ERN1: variants seen among roughly 807,000 people sequenced by gnomAD.
ERN1 encodes serine/threonine-protein kinase/endoribonuclease IRE1.
Under a neutral mutation model 113.1 loss-of-function variants are expected in ERN1, and 39 were observed. That is an observed-to-expected ratio of 0.34 (90% confidence interval 0.27 to 0.45). The LOEUF is 0.45. ERN1 is among the 20% of genes least tolerant of loss of function. The probability of loss-of-function intolerance (pLI) is 1.00; values close to 1 mark genes in which losing one functional copy is unlikely to be tolerated. For missense variants in ERN1, 976 were observed against 1,274.8 expected (o/e 0.77, Z 3.57); for synonymous variants, 507 against 515.9 (o/e 0.98, Z 0.23).
chr17:64,070,237 G>A (rs34761362), intron 6 of ERN1, among the ~76,000 whole-genome samples: 5,099 of 152,266 alleles, frequency 0.033, 112 homozygotes, highest in Non-Finnish European at 0.056. Flanking sequence ...GGCCAACCAA[G>A]CATGTGGAAT....
At chr17:64,090,719 C>T (rs1044455626) in intron 2 of ERN1, among the ~76,000 whole-genome samples, 1 of 152,080 alleles carries the variant, frequency 6.6e-6, no homozygotes, top group Non-Finnish European at 1.5e-5. Context: ...CTAAGAGGAG[C>T]CATCCGAAAT....
rs1272148366 is a variant in ERN1, at chr17:64,052,903, G to A, written c.2130C>T (p.Ser710=). 8 of 1,613,712 alleles carry A rather than the reference G, an allele frequency of 5.0e-6. No homozygotes were observed. Among genetic ancestry groups the A allele is most frequent in the African/African-American group, 2.7e-5 (2 of 74,908 alleles). The change falls in exon 17 of 22, where the codon TCC becomes TCT. Residue 710 remains serine, a synonymous_variant. Transcript: ENST00000433197. ...NAHGKIKAMI[S]DFGLCKKLAV... ...CCAGCTTCTTGCAGAGGCCAAAGTCGGAGATCATGGCCTTGATCTTGCCGT... is the reference window on the plus strand; with the variant it reads ...CCAGCTTCTTGCAGAGGCCAAAGTCAGAGATCATGGCCTTGATCTTGCCGT...
chr17:64,087,022 T>C (rs1913955108), intron 2 of ERN1, among the ~76,000 whole-genome samples: 1 of 152,192 alleles, frequency 6.6e-6, no homozygotes. Flanking sequence ...TTTGCAAAAC[T>C]GGTAGTACTG....
intron 19 of ERN1, among the ~76,000 whole-genome samples, chr17:64,046,398 C>G (rs1347397611): frequency 6.6e-6 from 1 of 152,232 alleles, no homozygotes; most frequent in Non-Finnish European, 1.5e-5. Flanking sequence ...CATTTAAATC[C>G]TGTCCCTTGG....
At position 64,043,986 on chromosome 17, in the gene ERN1, G is replaced by A. The variant is rs8077494; in HGVS notation, c.*2C>T. ...CCACCAGAACAGAGGGGCCGCCCTC[G>A]CTCAGAGGGCGTCTGGAGTCACTGG... On this transcript the variant is annotated 3_prime_UTR_variant, in exon 22 of 22. Coordinates refer to ENST00000433197, the MANE Select transcript of ERN1 (RefSeq NM_001433.5). 2.9e-3 allele frequency: 4,687 copies of A among 1,596,448 alleles called. 123 individuals carry two copies. The African/African-American group carries it at 0.053, about 18-fold the overall frequency.
chr17:64,110,597 G>C (rs768749138), intron 1 of ERN1, among the ~76,000 whole-genome samples: 12 of 152,160 alleles, frequency 7.9e-5, no homozygotes, highest in African/African-American at 1.4e-4. Context: ...CAACTCCTTT[G>C]AACTGTAAGG....
chr17:64,090,523 T>C (rs1440599077), intron 2 of ERN1, among the ~76,000 whole-genome samples: 1 of 152,190 alleles, frequency 6.6e-6, no homozygotes, highest in Non-Finnish European at 1.5e-5. Flanking sequence ...CATTCCTGAG[T>C]GATGGAGTGC....
intron 8 of ERN1, among the ~76,000 whole-genome samples, chr17:64,066,094 T>C (rs1364868720): frequency 1.3e-5 from 2 of 152,144 alleles, no homozygotes; most frequent in African/African-American, 4.8e-5. Context: ...AGTGACTCGG[T>C]GATAGGCTAT....
At chr17:64,077,195 T>A (rs1239302106) in intron 4 of ERN1, among the ~76,000 whole-genome samples, 1 of 152,170 alleles carries the variant, frequency 6.6e-6, no homozygotes, top group Non-Finnish European at 1.5e-5. Context: ...ACAAAATAAT[T>A]TTAAAACACC....
intron 1 of ERN1, among the ~76,000 whole-genome samples, chr17:64,116,800 T>C (rs1477692330): frequency 6.6e-6 from 1 of 152,054 alleles, no homozygotes; most frequent in Non-Finnish European, 1.5e-5. Flanking sequence ...TCTTATCATG[T>C]TATCCTTAAA....
intron 1 of ERN1, among the ~76,000 whole-genome samples, chr17:64,105,418 A>G (rs1303659477): frequency 1.3e-5 from 2 of 152,186 alleles, no homozygotes; most frequent in African/African-American, 4.8e-5. Flanking sequence ...TAATAAAAAA[A>G]AGACTTCAAA....
Position 64,088,073 on chromosome 17 carries a change from T to G in ERN1, c.176-7265A>C, listed in dbSNP as rs916740343. Among the ~76,000 whole-genome samples the G allele has an allele frequency of 2.0e-5, 3 of 152,196 alleles. No homozygotes were observed. In the East Asian group the frequency reaches 5.8e-4, roughly 29 times the overall value. ...GTAGCTCTGGGCAGACTTCCTTCCA[T>G]GTAGGAAGAAGTAAGATCCCTTTGA... On this transcript the variant is annotated intron_variant, in intron 2 of 21. Coordinates refer to ENST00000433197, the MANE Select transcript of ERN1 (RefSeq NM_001433.5).
At chr17:64,067,963 T>C (rs779383217) in intron 7 of ERN1, 4 of 482,788 alleles carry the variant, frequency 8.3e-6, no homozygotes, top group Non-Finnish European at 1.5e-5. Flanking sequence ...CCTTCCTCTC[T>C]GGCTAAGCTT....
chr17:64,073,434 C>G (rs146925982), intron 5 of ERN1, among the ~76,000 whole-genome samples: 52 of 151,442 alleles, frequency 3.4e-4, no homozygotes, highest in African/African-American at 1.2e-3. Context: ...CTCGGCCTCC[C>G]AAAGTGCTGG....
Position 64,068,285 on chromosome 17 carries a change from G to A in ERN1, c.485C>T (p.Thr162Ile). The stretch of plus-strand genomic sequence containing the variant: ...GGTTTTGGTGTCGTACATGGTGATG[G>A]TGTATTCTAAAGAACACAGACCAGC... Reference protein sequence around the residue: ...SLLYLGRTEYTITMYDTKTRE... With the variant: ...SLLYLGRTEYIITMYDTKTRE... Residue 162 changes from threonine (T) to isoleucine (I), a missense_variant, in exon 7 of 22, where the codon ACC (threonine) becomes ATC (isoleucine). This residue lies in a region of ERN1 where 459 missense variants were observed against 581.2 expected (regional missense o/e 0.79). Coordinates refer to ENST00000433197, the MANE Select transcript of ERN1 (RefSeq NM_001433.5). The A allele has an allele frequency of 6.2e-7, 1 of 1,610,866 alleles. No homozygotes were observed. Among genetic ancestry groups the A allele is most frequent in the Non-Finnish European group, 8.5e-7 (1 of 1,178,352 alleles).
chr17:64,054,276 C>T lies in ERN1; in HGVS notation c.1927G>A (p.Glu643Lys), dbSNP rs778519834. The T allele has an allele frequency of 5.6e-6, 9 of 1,613,554 alleles. No individual in the cohort carries two copies. Among genetic ancestry groups the T allele is most frequent in the Admixed American group, 1.7e-5 (1 of 59,978 alleles). Residue 643 changes from glutamate (E) to lysine (K), a missense_variant, in exon 15 of 22, where the codon GAG (glutamate) becomes AAG (lysine). Transcript: ENST00000433197. This position sits in a 1 kb window ranked among gnomAD's most constrained non-coding sequence, Gnocchi z 4.9. ...TCTTGCAGGGTGGCTGCACACAGCT[C>T]GATGGCAATGTACTGGAATTGCCGG... ...KDRQFQYIAI[E>K]LCAATLQEYV...
chr17:64,051,889 A>C (rs757075726), intron 17 of ERN1, among the ~76,000 whole-genome samples: 2 of 152,236 alleles, frequency 1.3e-5, no homozygotes, highest in Non-Finnish European at 2.9e-5. Flanking sequence ...AGGTGGGATA[A>C]TGGTATTGTG....
chr17:64,077,364 T>C (rs1913624459), intron 4 of ERN1, among the ~76,000 whole-genome samples: 1 of 152,102 alleles, frequency 6.6e-6, no homozygotes, highest in Non-Finnish European at 1.5e-5. Context: ...TTTCACAAAG[T>C]GAACATACCC....
chr17:64,103,226 T>C (rs1598081481), intron 1 of ERN1, among the ~76,000 whole-genome samples: 1 of 152,150 alleles, frequency 6.6e-6, no homozygotes, highest in Admixed American at 6.5e-5. Flanking sequence ...CTGGACGTGG[T>C]GACTCACACC....
Sources: gnomAD v4.1 joint callset for allele counts (sites outside exome capture counted in the v4.1 genomes callset) on GRCh38, gnomAD v4.1.1 for gene constraint, gnomAD v4.1.1 regional missense constraint, Gnocchi (gnomAD v3.1) non-coding constraint, MANE v1.5 for transcripts, NCBI Gene and HGNC (gene_info 2026-07-23, HGNC 2026-07-21) for gene names.